The following CACNA1E variants were observed in gnomAD, a reference collection of about 807,000 sequenced individuals.
CACNA1E encodes voltage-dependent R-type calcium channel subunit alpha-1E.
In CACNA1E, 40 loss-of-function variants were observed where a neutral mutation model predicts 259.2. The ratio of observed to expected loss-of-function variants is 0.15; its 90% CI spans 0.12 to 0.20. CACNA1E has a LOEUF of 0.20. CACNA1E is among the 10% of genes least tolerant of loss of function. The pLI, the probability that CACNA1E is intolerant of heterozygous loss-of-function variation, is 1.00. For missense variants in CACNA1E, 1,874 were observed against 3,040.1 expected (o/e 0.62, Z 9.02); for synonymous variants, 1,104 against 1,138.5 (o/e 0.97, Z 0.61).
chr1:181,486,675 A>C (rs1488312657), intron 1 of CACNA1E, among the ~76,000 whole-genome samples: 1 of 152,198 alleles, frequency 6.6e-6, no homozygotes, highest in Admixed American at 6.5e-5. Context: ...AAATGAGGAT[A>C]ATAATAATAA....
At chr1:181,562,121 T>A (rs2102893098) in intron 3 of CACNA1E, among the ~76,000 whole-genome samples, 1 of 152,280 alleles carries the variant, frequency 6.6e-6, no homozygotes, top group East Asian at 1.9e-4. Flanking sequence ...AGATGATTTT[T>A]AAATTTTTTG....
At chr1:181,684,902 T>C (rs1650357591) in intron 7 of CACNA1E, among the ~76,000 whole-genome samples, 1 of 147,180 alleles carries the variant, frequency 6.8e-6, no homozygotes, top group African/African-American at 2.5e-5. Context: ...GCCTTGTTAG[T>C]GACATGCTAC....
At chr1:181,381,539 T>C (rs1655460560) in intron 1 of CACNA1E, among the ~76,000 whole-genome samples, 1 of 152,198 alleles carries the variant, frequency 6.6e-6, no homozygotes, top group South Asian at 2.1e-4. Flanking sequence ...TGCCAAGGGA[T>C]ACATACAAAG....
At chr1:181,320,570 G>T (rs1650263649) in intron 1 of CACNA1E, among the ~76,000 whole-genome samples, 1 of 152,222 alleles carries the variant, frequency 6.6e-6, no homozygotes, top group Non-Finnish European at 1.5e-5. Flanking sequence ...GGAAACTGAT[G>T]CTCAGAAAAG....
intron 7 of CACNA1E, among the ~76,000 whole-genome samples, chr1:181,695,887 G>A (rs1371612524): frequency 2.6e-5 from 4 of 152,286 alleles, no homozygotes; most frequent in South Asian, 2.1e-4. Flanking sequence ...TCCAGGAGGC[G>A]GAGGTTGCAG....
intron 2 of CACNA1E, among the ~76,000 whole-genome samples, chr1:181,464,270 A>G (rs1052786107): frequency 3.3e-5 from 5 of 151,968 alleles, no homozygotes; most frequent in African/African-American, 1.2e-4. Flanking sequence ...ATTAGATTTT[A>G]ATTGAAATGG....
At chr1:181,361,997 CAGTCTTG>C (rs1653916534) in intron 1 of CACNA1E, among the ~76,000 whole-genome samples, 1 of 152,230 alleles carries the variant, frequency 6.6e-6, no homozygotes, top group African/African-American at 2.4e-5. Flanking sequence ...TACTAGGTTG[CAGTCTTG>C]AGCTAGTCAT....
At chr1:181,537,528 T>C (rs562592905) in intron 3 of CACNA1E, among the ~76,000 whole-genome samples, 22 of 152,274 alleles carry the variant, frequency 1.4e-4, no homozygotes, top group Admixed American at 1.2e-3. Flanking sequence ...ATATAGAAAA[T>C]GATTTCTAGG....
intron 1 of CACNA1E, among the ~76,000 whole-genome samples, chr1:181,398,167 C>T (rs1478197986): frequency 6.6e-6 from 1 of 152,228 alleles, no homozygotes; most frequent in Admixed American, 6.5e-5. Flanking sequence ...AAGCCACAGG[C>T]TCTACCCAGA....
chr1:181,785,508 G>A, intron 42 of CACNA1E, 90 bp downstream of exon 42: 1 of 993,876 alleles, frequency 1.0e-6, no homozygotes, highest in East Asian at 2.5e-5. Flanking sequence ...ATAGTGCCCG[G>A]CAAGGACTTA....
At position 181,785,795 on chromosome 1, in the gene CACNA1E, T is replaced by G. The variant is rs770750685; in HGVS notation, c.5762T>G (p.Leu1921Arg). 12 of 1,610,404 alleles carry G rather than the reference T, an allele frequency of 7.5e-6. No homozygotes were observed. Among genetic ancestry groups the G allele is most frequent in the Non-Finnish European group, 1.0e-5 (12 of 1,178,822 alleles). Residue 1921 changes from leucine (L) to arginine (R), a missense_variant, in exon 43 of 48, where the codon CTC becomes CGC. Leu to Arg is a moderately radical substitution (Grantham distance 102, BLOSUM62 -2). Around this residue, in one of 14 missense-constraint regions of CACNA1E, gnomAD observed 542 missense variants for 587.2 expected, o/e 0.92. Coordinates refer to ENST00000367573, the MANE Select transcript of CACNA1E (RefSeq NM_001205293.3). The part of the protein sequence containing the change: ...IIANAKALPY[L>R]QQDPVSGLSG... ...GCTAATGCCAAAGCCCTGCCTTACC[T>G]CCAGCAGGACCCCGTTTCAGGCCTG...
intron 27 of CACNA1E, 94 bp from the exon 28 acceptor site, chr1:181,755,143 G>A: frequency 1.1e-6 from 1 of 917,652 alleles, no homozygotes; most frequent in Non-Finnish European, 1.6e-6. Context: ...TTCTTGGTGG[G>A]GCTGGGTAGT....
chr1:181,424,987 G>T (rs183520208), intron 2 of CACNA1E, among the ~76,000 whole-genome samples: 1 of 152,346 alleles, frequency 6.6e-6, no homozygotes, highest in East Asian at 1.9e-4. Context: ...TTCTGAACAT[G>T]TCAAGATTCG....
At chr1:181,744,119 C>T (rs1006347961) in intron 25 of CACNA1E, among the ~76,000 whole-genome samples, 7 of 152,246 alleles carry the variant, frequency 4.6e-5, no homozygotes, top group African/African-American at 1.7e-4. Context: ...CTCTTGATGC[C>T]AGAAGGAACT....
chr1:181,418,958 A>G (rs1440617080), intron 2 of CACNA1E, among the ~76,000 whole-genome samples: 3 of 151,934 alleles, frequency 2.0e-5, no homozygotes, highest in African/African-American at 7.3e-5. Context: ...TATTGTCCCC[A>G]TTTTTGCACT....
At chr1:181,346,218 TC>T (rs1652582540) in intron 1 of CACNA1E, among the ~76,000 whole-genome samples, 1 of 152,232 alleles carries the variant, frequency 6.6e-6, no homozygotes, top group Non-Finnish European at 1.5e-5. Flanking sequence ...TGTCCCCAAC[TC>T]CTTTCAGATC....
chr1:181,354,789 G>A (rs1162841338), intron 1 of CACNA1E, among the ~76,000 whole-genome samples: 4 of 152,186 alleles, frequency 2.6e-5, no homozygotes. Context: ...AGGGTGCCAA[G>A]TTCCACTGTG....
intron 2 of CACNA1E, among the ~76,000 whole-genome samples, chr1:181,445,731 G>T (rs780814003): frequency 1.3e-5 from 2 of 152,228 alleles, no homozygotes; most frequent in Admixed American, 6.5e-5. Flanking sequence ...GTTAAAAATT[G>T]TAGCTCTTGA....
chr1:181,419,214 TC>T (rs1317921066), intron 2 of CACNA1E, among the ~76,000 whole-genome samples: 1 of 152,186 alleles, frequency 6.6e-6, no homozygotes, highest in Non-Finnish European at 1.5e-5. Flanking sequence ...TTCTCCCTCT[TC>T]CCCCTGCCCA....
Sources: allele counts gnomAD v4.1 joint callset (sites outside exome capture counted in the v4.1 genomes callset), GRCh38; gene constraint gnomAD v4.1.1; regional missense constraint gnomAD v4.1.1; transcripts MANE v1.5; gene names NCBI Gene and HGNC (gene_info 2026-07-23, HGNC 2026-07-21).